XPO6: variants seen among roughly 807,000 people sequenced by gnomAD.
XPO6 encodes exportin 6.
A neutral mutation model predicts 130.0 loss-of-function variants in XPO6; 3 were observed. That is an observed-to-expected ratio of 0.02 (90% CI 0.01 to 0.06). The LOEUF (loss-of-function observed/expected upper bound fraction) is 0.06, where lower values mean the gene tolerates loss of function less well. Among genes scored for constraint, XPO6 ranks in the 10% least tolerant of loss-of-function variants. The pLI, the probability that XPO6 is intolerant of heterozygous loss-of-function variation, is 1.00. For missense variants in XPO6, 970 were observed against 1,393.0 expected, an observed-to-expected ratio of 0.70 and a Z score of 4.83; for synonymous variants, 524 against 548.9, an observed-to-expected ratio of 0.95 and a Z score of 0.63.
chr16:28,131,827 C>T (rs1486297212), intron 12 of XPO6, among the ~76,000 whole-genome samples: 1 of 152,166 alleles, frequency 6.6e-6, no homozygotes. Context: ...ACAAAGCAAA[C>T]TAACCCTAAA....
chr16:28,197,003 T>C (rs1008051769), intron 1 of XPO6, among the ~76,000 whole-genome samples: 17 of 152,180 alleles, frequency 1.1e-4, no homozygotes, highest in African/African-American at 4.1e-4. Flanking sequence ...CTAAAACATG[T>C]AGTATTTTAA....
intron 1 of XPO6, among the ~76,000 whole-genome samples, chr16:28,198,454 C>T (rs542456720): frequency 6.6e-6 from 1 of 151,876 alleles, no homozygotes; most frequent in Admixed American, 6.6e-5. Context: ...GCATCAGCAC[C>T]TACTTTAATT....
At chr16:28,147,750 A>G (rs2043011250) in intron 8 of XPO6, among the ~76,000 whole-genome samples, 1 of 152,174 alleles carries the variant, frequency 6.6e-6, no homozygotes, top group Non-Finnish European at 1.5e-5. Context: ...GTTTGAGACC[A>G]CCCTGGCCAA....
At chr16:28,196,704 G>A (rs769300216) in intron 1 of XPO6, among the ~76,000 whole-genome samples, 47 of 152,152 alleles carry the variant, frequency 3.1e-4, no homozygotes, top group African/African-American at 1.1e-3. Context: ...GCCCTCCCTG[G>A]CAAGGAGTTC....
chr16:28,181,493 G>T (rs376649241), intron 1 of XPO6, among the ~76,000 whole-genome samples: 1 of 147,672 alleles, frequency 6.8e-6, no homozygotes, highest in South Asian at 2.2e-4. Context: ...ATTCTCAGGG[G>T]TTTGGGGGGT....
intron 1 of XPO6, among the ~76,000 whole-genome samples, chr16:28,191,193 G>A (rs1390199690): frequency 6.6e-6 from 1 of 152,154 alleles, no homozygotes; most frequent in African/African-American, 2.4e-5. Context: ...TAAAATGTTT[G>A]CATCTACTGG....
chr16:28,103,097 C>T (rs181775257), intron 21 of XPO6, among the ~76,000 whole-genome samples: 149 of 152,230 alleles, frequency 9.8e-4, no homozygotes, highest in African/African-American at 3.5e-3. Flanking sequence ...TGGATTTGTA[C>T]CACCACCATC....
intron 10 of XPO6, among the ~76,000 whole-genome samples, chr16:28,134,192 G>A (rs2042730526): frequency 6.6e-6 from 1 of 152,202 alleles, no homozygotes; most frequent in African/African-American, 2.4e-5. Context: ...CAGAGATGGA[G>A]AGCCACTTGT....
At chr16:28,105,984 C>A in intron 20 of XPO6, 59 bp downstream of exon 20, 1 of 1,576,514 alleles carries the variant, frequency 6.3e-7, no homozygotes, top group South Asian at 1.1e-5. Flanking sequence ...TGTGAAATCT[C>A]ATTCCCTTCC....
At chr16:28,169,659 AAAC>A in intron 5 of XPO6, 88 bp downstream of exon 5, 1 of 1,521,810 alleles carries the variant, frequency 6.6e-7, no homozygotes, top group South Asian at 1.3e-5. Context: ...GAAACAGCGC[AAAC>A]AACTGCTCAA....
At chr16:28,138,092 G>A (rs1445997607) in intron 9 of XPO6, among the ~76,000 whole-genome samples, 1 of 137,400 alleles carries the variant, frequency 7.3e-6, no homozygotes, top group Non-Finnish European at 1.6e-5. Flanking sequence ...AAGAATGCCG[G>A]CAGGGAAAAA....
rs779612350 is a variant in XPO6 at position 28,169,895 on chromosome 16, A to C, written c.420T>G (p.Pro140=). Residue 140 remains proline (P), a synonymous_variant, in exon 5 of 24, where the codon CCT becomes CCG. Transcript: ENST00000304658. ...FTNILQLIQS[P]VTTPLGLIML... ...TGATCAGCCCAAGGGGGGTTGTCAC[A>C]GGGGACTGGATCAACTGCCAGGAAA... 1.9e-6 allele frequency: 3 copies of C among 1,614,128 alleles called. No homozygotes were observed. In the South Asian group the frequency reaches 3.3e-5, roughly 18 times the overall value.
At position 28,202,453 on chromosome 16, in the gene XPO6, A is replaced by C. The variant is rs147532406; in HGVS notation, c.3+8913T>G. The stretch of plus-strand genomic sequence containing the variant: ...AGAGAGGACCGGTCATGACAGCAAC[A>C]ACCAAAGCAAGAGACAATGACAGCT... On this transcript the variant is annotated intron_variant, in intron 1 of 23. Coordinates refer to ENST00000304658, the MANE Select transcript of XPO6 (RefSeq NM_015171.4). 4.5e-3 allele frequency among the ~76,000 whole-genome samples: 692 copies of C among 152,312 alleles called. 3 individuals are homozygous for C. Among genetic ancestry groups the C allele is most frequent in the African/African-American group, 0.016 (657 of 41,556 alleles).
intron 1 of XPO6, among the ~76,000 whole-genome samples, chr16:28,202,514 G>A (rs1484682825): frequency 1.3e-5 from 2 of 152,162 alleles, no homozygotes; most frequent in African/African-American, 4.8e-5. Context: ...AAAGGTCAGG[G>A]TCAGGACACA....
rs746253700 is a variant in XPO6, at chr16:28,106,196, G to A, written c.2631C>T (p.Ser877=). The part of the protein sequence containing the change: ...NMFTREQLAE[S]ILHEGSTGCR... Reference sequence around the variant, plus strand: ...AGCCTGTGCTGCCCTCGTGGAGGATGCTCTCGGCTAACTGCTCTCTACAGA... The same window carrying A: ...AGCCTGTGCTGCCCTCGTGGAGGATACTCTCGGCTAACTGCTCTCTACAGA... Residue 877 remains serine, a synonymous_variant, in exon 20 of 24, where the codon AGC becomes AGT. Transcript: ENST00000304658. This position sits in a 1 kb window ranked among gnomAD's most constrained non-coding sequence, Gnocchi z 4.2. 3.1e-6 allele frequency: 5 copies of A among 1,614,024 alleles called. No individual in the cohort carries two copies. The highest frequency in any genetic ancestry group is 4.2e-6 in the Non-Finnish European group (5 of 1,180,050).
intron 2 of XPO6, among the ~76,000 whole-genome samples, chr16:28,180,483 G>A (rs55998458): frequency 1.3e-5 from 2 of 152,230 alleles, no homozygotes; most frequent in Non-Finnish European, 2.9e-5. Flanking sequence ...CAGATCAGAC[G>A]TCTGCACAGC....
chr16:28,124,333 C>T (rs765414105), intron 13 of XPO6, among the ~76,000 whole-genome samples: 6 of 152,214 alleles, frequency 3.9e-5, no homozygotes, highest in East Asian at 1.9e-4. Flanking sequence ...GTTGGGATTA[C>T]GGGCGTGAGC....
rs145568622 is a variant in XPO6, at chr16:28,156,023, C to T, written c.1097+51G>A. On this transcript the variant is annotated intron_variant, in intron 7 of 23. Coordinates refer to ENST00000304658, the MANE Select transcript of XPO6 (RefSeq NM_015171.4). ...ATGCCATGCAGCACAGCATGGTAAA[C>T]AGTCAGGGCCCTTTCTTGGGGCACA... 2.6e-5 allele frequency: 40 copies of T among 1,543,512 alleles called. No homozygotes were observed. The African/African-American group carries it at 5.2e-4, about 20-fold the overall frequency.
chr16:28,145,992 ACT>A, intron 9 of XPO6, 100 bp downstream of exon 9: 2 of 805,392 alleles, frequency 2.5e-6, no homozygotes, highest in Non-Finnish European at 2.1e-6. Context: ...AGCTTACATG[ACT>A]CAGCTTCACT....
Sources: gnomAD v4.1 joint callset for allele counts (sites outside exome capture counted in the v4.1 genomes callset) on GRCh38, gnomAD v4.1.1 for gene constraint, Gnocchi (gnomAD v3.1) non-coding constraint, MANE v1.5 for transcripts, NCBI Gene and HGNC (gene_info 2026-07-23, HGNC 2026-07-21) for gene names.